LRRC7: variants seen among roughly 807,000 people sequenced by gnomAD.
LRRC7 encodes the protein leucine rich repeat containing 7.
LRRC7 carries 23 observed loss-of-function variants against 175.7 expected under a neutral mutation model. The observed-to-expected ratio is 0.13, with a 90% CI of 0.09 to 0.19. The LOEUF (loss-of-function observed/expected upper bound fraction) is 0.19, where lower values mean the gene tolerates loss of function less well. Ranked by LOEUF, LRRC7 falls within the 10% of genes least tolerant of loss-of-function variation. The probability of loss-of-function intolerance (pLI) is 1.00; values close to 1 mark genes in which losing one functional copy is unlikely to be tolerated. For missense variants in LRRC7, 1,354 were observed against 1,904.7 expected (o/e 0.71, Z 5.38); for synonymous variants, 685 against 680.9 (o/e 1.01, Z -0.09).
intron 2 of LRRC7, among the ~76,000 whole-genome samples, chr1:69,692,161 T>C (rs1461089974): frequency 1.3e-5 from 2 of 152,136 alleles, no homozygotes; most frequent in Non-Finnish European, 2.9e-5. Flanking sequence ...CTACAAAACT[T>C]ACAGCAGTGA....
intron 25 of LRRC7, among the ~76,000 whole-genome samples, chr1:70,094,771 C>A (rs1664272643): frequency 6.6e-6 from 1 of 152,112 alleles, no homozygotes; most frequent in Non-Finnish European, 1.5e-5. Flanking sequence ...GGGGCAACGG[C>A]AAGTTCAAAA....
chr1:69,965,447 G>A (rs542231154), intron 8 of LRRC7, among the ~76,000 whole-genome samples: 75 of 151,948 alleles, frequency 4.9e-4, no homozygotes, highest in African/African-American at 1.8e-3. Flanking sequence ...ATATTCATAA[G>A]GGCTTATGGC....
intron 24 of LRRC7, among the ~76,000 whole-genome samples, chr1:70,088,589 G>T (rs942235452): frequency 1.3e-5 from 2 of 152,020 alleles, no homozygotes; most frequent in Admixed American, 6.6e-5. Flanking sequence ...AAAAAATAAA[G>T]TTACAAAGTG....
intron 4 of LRRC7, among the ~76,000 whole-genome samples, chr1:69,805,238 C>A (rs1386378764): frequency 6.6e-6 from 1 of 151,716 alleles, no homozygotes; most frequent in Non-Finnish European, 1.5e-5. Flanking sequence ...CAAATCATAT[C>A]CTCTACTTGA....
At chr1:69,857,416 T>A (rs1683790295) in intron 7 of LRRC7, among the ~76,000 whole-genome samples, 1 of 152,158 alleles carries the variant, frequency 6.6e-6, no homozygotes, top group African/African-American at 2.4e-5. Context: ...TTCAGCAAAC[T>A]CTCAGGATAC....
At chr1:69,959,661 G>A (rs1650845261) in intron 8 of LRRC7, among the ~76,000 whole-genome samples, 1 of 152,084 alleles carries the variant, frequency 6.6e-6, no homozygotes, top group Admixed American at 6.6e-5. Flanking sequence ...TGGAGCCACA[G>A]AGATGAACAA....
chr1:69,583,289 T>C (rs1646272048), intron 1 of LRRC7, among the ~76,000 whole-genome samples: 1 of 152,004 alleles, frequency 6.6e-6, no homozygotes, highest in Non-Finnish European at 1.5e-5. Context: ...AACTATACTT[T>C]TACAAATAAA....
intron 13 of LRRC7, among the ~76,000 whole-genome samples, chr1:70,015,694 A>G (rs994162931): frequency 1.3e-5 from 2 of 152,196 alleles, no homozygotes; most frequent in African/African-American, 4.8e-5. Flanking sequence ...AAAGCTAAAT[A>G]TATAATTTTG....
intron 2 of LRRC7, among the ~76,000 whole-genome samples, chr1:69,759,251 G>T (rs1557691179): frequency 6.6e-6 from 1 of 151,912 alleles, no homozygotes; most frequent in Non-Finnish European, 1.5e-5. Flanking sequence ...GCTTTCATTT[G>T]TTTATTCTAC....
chr1:70,129,083 TA>T lies in LRRC7; in HGVS notation c.*7201del. ...CAACATGCTGAAACCTCATCTCTACTAAAAATATGAAAAATTAGCCGGGCAT... is the reference window on the plus strand; with the variant it reads ...CAACATGCTGAAACCTCATCTCTACTAAAATATGAAAAATTAGCCGGGCAT... On this transcript the variant is annotated 3_prime_UTR_variant, in exon 27 of 27. Coordinates refer to ENST00000651989, the MANE Select transcript of LRRC7 (RefSeq NM_001370785.2). Among the ~76,000 whole-genome samples, 1 of 152,062 alleles carries T rather than the reference TA, an allele frequency of 6.6e-6. No individual in the cohort carries two copies. Among genetic ancestry groups the T allele is most frequent in the Admixed American group, 6.5e-5 (1 of 15,272 alleles).
chr1:69,919,798 G>C, intron 7 of LRRC7: 1 of 826,956 alleles, frequency 1.2e-6, no homozygotes, highest in Non-Finnish European at 2.0e-6. Context: ...GCGGGACAGT[G>C]TTCACGGATT....
At chr1:69,944,517 G>A (rs1326781436) in intron 8 of LRRC7, among the ~76,000 whole-genome samples, 1 of 151,980 alleles carries the variant, frequency 6.6e-6, no homozygotes, top group African/African-American at 2.4e-5. Flanking sequence ...TTTTGGATAA[G>A]TATCCAAAAG....
intron 7 of LRRC7, among the ~76,000 whole-genome samples, chr1:69,854,628 C>T (rs567309666): frequency 1.3e-5 from 2 of 152,246 alleles, no homozygotes; most frequent in South Asian, 4.1e-4. Flanking sequence ...GATATCTTTA[C>T]ACTCTCATAT....
At chr1:70,060,574 A>T (rs1414550325) in intron 23 of LRRC7, among the ~76,000 whole-genome samples, 1 of 152,116 alleles carries the variant, frequency 6.6e-6, no homozygotes, top group African/African-American at 2.4e-5. Flanking sequence ...AATAGATGAG[A>T]GAGAGAGATG....
intron 2 of LRRC7, among the ~76,000 whole-genome samples, chr1:69,754,965 G>A (rs1316936501): frequency 6.6e-6 from 1 of 151,880 alleles, no homozygotes; most frequent in Non-Finnish European, 1.5e-5. Context: ...ACAGTCTAGG[G>A]GACAAATTCT....
intron 18 of LRRC7, among the ~76,000 whole-genome samples, chr1:70,035,359 C>A (rs1659193025): frequency 6.6e-6 from 1 of 152,016 alleles, no homozygotes; most frequent in Admixed American, 6.5e-5. Context: ...AGTTTAAAAT[C>A]TTGGGTTTTC....
At chr1:69,843,414 T>C (rs1477662304) in intron 7 of LRRC7, among the ~76,000 whole-genome samples, 1 of 152,096 alleles carries the variant, frequency 6.6e-6, no homozygotes, top group African/African-American at 2.4e-5. Flanking sequence ...ATCTGTGAAG[T>C]TTTTTAATTT....
chr1:70,131,670 T>A lies in LRRC7; in HGVS notation c.*9783T>A, dbSNP rs1348023610. On this transcript the variant is annotated 3_prime_UTR_variant, in exon 27 of 27. Coordinates refer to ENST00000651989, the MANE Select transcript of LRRC7 (RefSeq NM_001370785.2). ...TTGATTTAGAAAGATTTAGATAAAG[T>A]CATAGTATATCTTGAAGGAAACAGC... Among the ~76,000 whole-genome samples the A allele has an allele frequency of 6.6e-6, 1 of 152,174 alleles. No individual in the cohort carries two copies. The highest frequency in any genetic ancestry group is 6.5e-5 in the Admixed American group (1 of 15,284).
chr1:69,971,970 A>G (rs1276987322), intron 8 of LRRC7, among the ~76,000 whole-genome samples: 1 of 152,196 alleles, frequency 6.6e-6, no homozygotes, highest in African/African-American at 2.4e-5. Context: ...ATAAACCCTC[A>G]TACTTACAGC....
Sources: gnomAD v4.1 joint callset for allele counts (sites outside exome capture counted in the v4.1 genomes callset) on GRCh38, gnomAD v4.1.1 for gene constraint, MANE v1.5 for transcripts, NCBI Gene and HGNC (gene_info 2026-07-23, HGNC 2026-07-21) for gene names.